HEATR5B: variants seen among roughly 807,000 people sequenced by gnomAD.
The protein encoded by HEATR5B is HEAT repeat containing 5B.
A neutral mutation model predicts 224.1 loss-of-function variants in HEATR5B; 156 were observed. The ratio of observed to expected loss-of-function variants is 0.70; its 90% CI spans 0.61 to 0.80. HEATR5B has a LOEUF of 0.80. Ranked by LOEUF, HEATR5B falls within the 30% of genes least tolerant of loss-of-function variation. The probability of loss-of-function intolerance (pLI) is 0.00; values close to 1 mark genes in which losing one functional copy is unlikely to be tolerated. For synonymous variants in HEATR5B, 1,027 were observed against 893.0 expected (o/e 1.15, Z -2.68); for missense variants, 2,323 against 2,535.5 (o/e 0.92, Z 1.80).
At position 37,060,565 on chromosome 2, in the gene HEATR5B, T is replaced by C. The variant is rs201851936; in HGVS notation, c.1849+16A>G. Reference sequence around the variant, plus strand: ...TATGTCATAATATTGTGAAGCACAATCCTTTCAGTTCTTACCACATAGAGC... The same window carrying C: ...TATGTCATAATATTGTGAAGCACAACCCTTTCAGTTCTTACCACATAGAGC... On this transcript the variant is annotated intron_variant, in intron 12 of 35. Coordinates refer to ENST00000233099, the MANE Select transcript of HEATR5B (RefSeq NM_019024.3). 11 of 1,598,254 alleles carry C rather than the reference T, an allele frequency of 6.9e-6. No individual in the cohort carries two copies. Among genetic ancestry groups the C allele is most frequent in the South Asian group, 5.6e-5 (5 of 88,606 alleles).
At chr2:37,083,021 G>A (rs1380943051) in intron 2 of HEATR5B, among the ~76,000 whole-genome samples, 4 of 152,140 alleles carry the variant, frequency 2.6e-5, no homozygotes, top group South Asian at 2.1e-4. Context: ...AACGGGTGAC[G>A]ATGATAAATT....
chr2:37,061,965 A>T lies in HEATR5B; in HGVS notation c.1670T>A (p.Leu557His). 6.2e-7 allele frequency: 1 copy of T among 1,613,640 alleles called. No homozygotes were observed. The highest frequency in any genetic ancestry group is 8.5e-7 in the Non-Finnish European group (1 of 1,179,618). The change falls in exon 11 of 36, where the codon CTT becomes CAT. Residue 557 changes from leucine (L) to histidine (H), a missense_variant. Coordinates refer to ENST00000233099, the MANE Select transcript of HEATR5B (RefSeq NM_019024.3). The part of the protein sequence containing the change: ...LSLQRTQAGW[L>H]LLGALMTLGP... Reference sequence around the variant, plus strand: ...TAAAGTCATAAGTGCTCCAAGTAAAAGCCAGCCAGCTTGGGTGCGCTGTAA... The same window carrying T: ...TAAAGTCATAAGTGCTCCAAGTAAATGCCAGCCAGCTTGGGTGCGCTGTAA...
intron 5 of HEATR5B, among the ~76,000 whole-genome samples, chr2:37,074,409 C>T (rs774683424): frequency 4.8e-4 from 69 of 142,834 alleles, no homozygotes; most frequent in Non-Finnish European, 7.9e-4. Context: ...AACCTTGCAA[C>T]ATATACAAAA....
Position 37,083,346 on chromosome 2 carries a change from T to G in HEATR5B, c.69A>C (p.Pro23=), listed in dbSNP as rs149982882. The G allele has an allele frequency of 1.5e-4, 247 of 1,614,014 alleles. 1 individual carries two copies. The African/African-American group carries it at 2.6e-3, about 17-fold the overall frequency. The part of the protein sequence containing the change: ...ALAQITEAKR[P]VFIFEWLRFL... ...ATCGCAACCATTCAAAGATGAAAAC[T>G]GGTCTTTTTGCTTCGGTGATTTGAG... Residue 23 remains proline, a synonymous_variant, in exon 2 of 36, where the codon CCA becomes CCC. Coordinates refer to ENST00000233099, the MANE Select transcript of HEATR5B (RefSeq NM_019024.3).
At chr2:37,048,530 C>A (rs1454370540) in intron 18 of HEATR5B, among the ~76,000 whole-genome samples, 1 of 151,972 alleles carries the variant, frequency 6.6e-6, no homozygotes, top group Non-Finnish European at 1.5e-5. Context: ...AAAAAAATTA[C>A]CCTTCAAGAG....
At chr2:37,059,456 A>T (rs866534650) in intron 12 of HEATR5B, among the ~76,000 whole-genome samples, 3 of 108,482 alleles carry the variant, frequency 2.8e-5, no homozygotes, top group Non-Finnish European at 5.6e-5. Context: ...GTATATATAT[A>T]TATATATATT....
intron 20 of HEATR5B, 113 bp from the exon 21 acceptor site, chr2:37,038,137 G>A: frequency 1.3e-6 from 1 of 755,062 alleles, no homozygotes; most frequent in Non-Finnish European, 1.9e-6. Context: ...TATTATTCAG[G>A]TTTTTTTTGC....
At chr2:37,075,306 G>C (rs186574467) in intron 5 of HEATR5B, among the ~76,000 whole-genome samples, 179 bp downstream of exon 5, 10 of 152,114 alleles carry the variant, frequency 6.6e-5, no homozygotes, top group Admixed American at 1.3e-4. Flanking sequence ...AAAGAAGCCA[G>C]AATACACATA....
intron 33 of HEATR5B, among the ~76,000 whole-genome samples, chr2:36,993,831 A>T (rs568610671): frequency 0.029 from 4,471 of 152,040 alleles, 221 homozygotes; most frequent in African/African-American, 0.1. Context: ...CTGAGAGGAA[A>T]AAAAAAAATT....
chr2:37,006,124 C>A (rs1340714934), intron 29 of HEATR5B, among the ~76,000 whole-genome samples: 2 of 151,868 alleles, frequency 1.3e-5, no homozygotes, highest in Non-Finnish European at 2.9e-5. Context: ...ATTTTTCATG[C>A]ATACAAAGTT....
At chr2:37,062,438 AAAG>A (rs1485422304) in intron 10 of HEATR5B, among the ~76,000 whole-genome samples, 9 of 152,186 alleles carry the variant, frequency 5.9e-5, no homozygotes, top group South Asian at 2.1e-4. Flanking sequence ...TCCAAAAAAA[AAAG>A]AAGTTGTCCT....
chr2:37,008,875 T>G (rs200754283), intron 27 of HEATR5B, 27 bp from the exon 28 acceptor site: 1 of 1,283,222 alleles, frequency 7.8e-7, no homozygotes, highest in Non-Finnish European at 1.1e-6. Context: ...GAGGACAAAA[T>G]AGTAAGGCAT....
intron 32 of HEATR5B, among the ~76,000 whole-genome samples, chr2:37,001,616 A>T (rs1667094929): frequency 6.6e-6 from 1 of 150,868 alleles, no homozygotes; most frequent in African/African-American, 2.4e-5. Context: ...ACAACAGCTG[A>T]TGAGCTTAAA....
chr2:37,083,113 T>C (rs1042407829), intron 2 of HEATR5B, among the ~76,000 whole-genome samples, 176 bp downstream of exon 2: 2 of 152,184 alleles, frequency 1.3e-5, no homozygotes, highest in African/African-American at 4.8e-5. Context: ...AGATAGGCAA[T>C]GAGCTGGATT....
At chr2:36,984,237 T>TATATATATATAA (rs1217602304) in intron 35 of HEATR5B, among the ~76,000 whole-genome samples, 13 of 112,010 alleles carry the variant, frequency 1.2e-4, no homozygotes, top group Non-Finnish European at 1.9e-4. Context: ...TATATATATA[T>TATATATATATAA]AAAACTGGAA....
chr2:37,005,634 G>A lies in HEATR5B; in HGVS notation c.4903C>T (p.Gln1635Ter). Residue 1635 changes from glutamine to a stop codon, truncating the protein, a stop_gained and splice_region_variant, in exon 30 of 36, where the codon CAG becomes TAG. Coordinates refer to ENST00000233099, the MANE Select transcript of HEATR5B (RefSeq NM_019024.3). LOFTEE classifies it high-confidence loss of function. Reference sequence around the variant, plus strand: ...TCTATCATAGCAATACACTGTACCTGATCTTCTGCAATATGGACTCGAGCA... The same window carrying A: ...TCTATCATAGCAATACACTGTACCTAATCTTCTGCAATATGGACTCGAGCA... ...PYARVHIAED[Q>*]LIGVELLSVL... 1 of 1,613,310 alleles carries A rather than the reference G, an allele frequency of 6.2e-7. No individual in the cohort carries two copies.
In HEATR5B at chr2:37,040,636, T is replaced by C. The variant is rs570738613; in HGVS notation, c.2857-118A>G. 4.7e-5 allele frequency: 31 copies of C among 655,592 alleles called. No individual in the cohort carries two copies. The South Asian group carries it at 5.9e-4, about 13-fold the overall frequency. The allele number at this position is 655,592 out of a possible 1,614,324, so 40.6% of individuals were successfully genotyped here. A position where few individuals can be genotyped will look rare whatever the true frequency, so the allele number is the denominator to read the frequency against. ...TATTTTTAGGCCTAACAATGTGAAG[T>C]AGCAAATCCAGATTGTAGGATGTTT... On this transcript the variant is annotated intron_variant, in intron 19 of 35. Transcript: ENST00000233099.
At chr2:37,047,867 C>T (rs570662774) in intron 18 of HEATR5B, among the ~76,000 whole-genome samples, 56 of 152,184 alleles carry the variant, frequency 3.7e-4, no homozygotes, top group Non-Finnish European at 6.8e-4. Context: ...CCAGATTCTG[C>T]CAAATCTAAG....
intron 35 of HEATR5B, among the ~76,000 whole-genome samples, chr2:36,984,551 A>T (rs1665821548): frequency 6.6e-6 from 1 of 152,082 alleles, no homozygotes; most frequent in African/African-American, 2.4e-5. Flanking sequence ...TATTTCTCAA[A>T]GAAAAGATCT....
Sources: allele counts gnomAD v4.1 joint callset (sites outside exome capture counted in the v4.1 genomes callset), GRCh38; gene constraint gnomAD v4.1.1; transcripts MANE v1.5; gene names NCBI Gene and HGNC (gene_info 2026-07-23, HGNC 2026-07-21).